The following CD55 variants were observed in gnomAD, a reference collection of about 807,000 sequenced individuals.
CD55 encodes the protein complement decay-accelerating factor.
In CD55, 41 loss-of-function variants were observed where a neutral mutation model predicts 45.8. That is an observed-to-expected ratio of 0.90 (90% CI 0.70 to 1.16). The LOEUF is 1.16. CD55 is among the 50% of genes most tolerant of loss of function. The probability of loss-of-function intolerance (pLI) is 0.00; values close to 1 mark genes in which losing one functional copy is unlikely to be tolerated. For missense variants in CD55, 416 were observed against 469.8 expected (o/e 0.89, Z 1.06); for synonymous variants, 181 against 181.1 (o/e 1.00, Z 0.01).
intron 5 of CD55, among the ~76,000 whole-genome samples, chr1:207,330,050 T>G (rs1315002921): frequency 6.6e-6 from 1 of 152,082 alleles, no homozygotes; most frequent in Non-Finnish European, 1.5e-5. Flanking sequence ...TCCCACTAGC[T>G]TTTAAGACAT....
chr1:207,335,392 A>G lies in CD55; in HGVS notation c.854-1301A>G, dbSNP rs28371620. On this transcript the variant is annotated intron_variant, in intron 6 of 9. Transcript: ENST00000367064. Reference sequence around the variant, plus strand: ...GGCTCTAAGCTACAATACATTGCAAAAGATTGAAGTTATTCAGAGCATACC... The same window carrying G: ...GGCTCTAAGCTACAATACATTGCAAGAGATTGAAGTTATTCAGAGCATACC... Among the ~76,000 whole-genome samples, 197 of 152,282 alleles carry G rather than the reference A, an allele frequency of 1.3e-3. 1 individual carries two copies. Among genetic ancestry groups the G allele is most frequent in the African/African-American group, 4.3e-3 (179 of 41,554 alleles).
chr1:207,357,365 G>T (rs943891585), intron 9 of CD55, among the ~76,000 whole-genome samples: 2 of 151,860 alleles, frequency 1.3e-5, no homozygotes, highest in Non-Finnish European at 2.9e-5. Context: ...AAAGTGAGTT[G>T]GTATGGAAGC....
In CD55 at chr1:207,324,595, C is replaced by T. The variant is rs753121722; in HGVS notation, c.323C>T (p.Ser108Phe). Residue 108 changes from serine (S) to phenylalanine (F), a missense_variant, in exon 3 of 10, where the codon TCC (serine) becomes TTC (phenylalanine). Ser to Phe is a radical substitution (Grantham distance 155). Coordinates refer to ENST00000367064, the MANE Select transcript of CD55 (RefSeq NM_000574.5). ...GTGCCAACAAGGCTAAATTCTGCAT[C>T]CCTCAAACAGCCTTATATCACTCAG... ...CEVPTRLNSA[S>F]LKQPYITQNY... 1.3e-6 allele frequency: 2 copies of T among 1,592,818 alleles called. No homozygotes were observed. The highest frequency in any genetic ancestry group is 1.8e-5 in the Admixed American group (1 of 56,928).
intron 9 of CD55, chr1:207,347,404 C>T (rs1172867920): frequency 8.6e-6 from 3 of 350,198 alleles, no homozygotes; most frequent in East Asian, 7.6e-5. Flanking sequence ...GGACTATAGG[C>T]GCCTGCCACC....
intron 9 of CD55, chr1:207,350,012 ATTAT>A (rs1258223342): frequency 2.4e-6 from 1 of 412,342 alleles, no homozygotes; most frequent in Non-Finnish European, 4.8e-6. Context: ...GGCGGCTCTT[ATTAT>A]TTTGTGGTAT....
chr1:207,341,067 A>G (rs1006927772), intron 9 of CD55, among the ~76,000 whole-genome samples: 3 of 151,944 alleles, frequency 2.0e-5, no homozygotes, highest in Non-Finnish European at 4.4e-5. Context: ...TTTTTCATAT[A>G]CCTGCTGAGA....
chr1:207,330,948 C>T (rs1654915631), intron 5 of CD55, among the ~76,000 whole-genome samples, 160 bp from the exon 6 acceptor site: 1 of 152,258 alleles, frequency 6.6e-6, no homozygotes, highest in South Asian at 2.1e-4. Context: ...CTACCAATTA[C>T]TTAATAGGCA....
At chr1:207,357,491 A>G (rs1656121165) in intron 9 of CD55, among the ~76,000 whole-genome samples, 1 of 141,904 alleles carries the variant, frequency 7.0e-6, no homozygotes, top group African/African-American at 2.6e-5. Flanking sequence ...TAAAGTATCA[A>G]TGTATAGAGT....
chr1:207,337,255 G>A lies in CD55; in HGVS notation c.980-74G>A, dbSNP rs1655220461. 8 of 961,898 alleles carry A rather than the reference G, an allele frequency of 8.3e-6. No individual in the cohort carries two copies. In the Admixed American group the frequency reaches 1.1e-4, roughly 13 times the overall value. 59.6% of individuals were successfully genotyped at this position (961,898 alleles called of 1,614,324 possible). A position where few individuals can be genotyped will look rare whatever the true frequency, so the allele number is the denominator to read the frequency against. On this transcript the variant is annotated intron_variant, in intron 7 of 9. Coordinates refer to ENST00000367064, the MANE Select transcript of CD55 (RefSeq NM_000574.5). ...CGCAGAGTCCTTCAGCAGCACGTAA[G>A]TCCACTAATGTACATTCCCCAGTGA...
chr1:207,344,739 G>T (rs1397254218), intron 9 of CD55, among the ~76,000 whole-genome samples: 5 of 150,990 alleles, frequency 3.3e-5, no homozygotes, highest in African/African-American at 1.2e-4. Flanking sequence ...TTGAGACAGA[G>T]TCTCATTCTG....
At chr1:207,359,456 A>T in intron 9 of CD55, 90 bp from the exon 10 acceptor site, 1 of 1,289,958 alleles carries the variant, frequency 7.8e-7, no homozygotes, top group Non-Finnish European at 1.0e-6. Flanking sequence ...TTGGTGATTT[A>T]TCACATAGTA....
intron 4 of CD55, among the ~76,000 whole-genome samples, chr1:207,326,221 C>T (rs1654674678): frequency 6.6e-6 from 1 of 152,176 alleles, no homozygotes; most frequent in Non-Finnish European, 1.5e-5. Flanking sequence ...GTCTCAGACA[C>T]TGTTGAAAAC....
chr1:207,322,570 A>T lies in CD55; in HGVS notation c.286+3A>T, dbSNP rs757916547. The stretch of plus-strand genomic sequence containing the variant: ...AGATATTGAAGAGTTCTGCAATCGT[A>T]AGTTCTTCATCTTTTTAGAAAAGTT... On this transcript the variant is annotated splice_donor_region_variant and intron_variant, in intron 2 of 9. Transcript: ENST00000367064. 6.3e-7 allele frequency: 1 copy of T among 1,594,186 alleles called. No homozygotes were observed.
Position 207,322,401 on chromosome 1 carries a change from A to C in CD55, c.120A>C (p.Pro40=). 1 of 1,614,080 alleles carries C rather than the reference A, an allele frequency of 6.2e-7. No homozygotes were observed. Among genetic ancestry groups the C allele is most frequent in the Non-Finnish European group, 8.5e-7 (1 of 1,179,944 alleles). The change falls in exon 2 of 10, where the codon CCA becomes CCC. Residue 40 remains proline (P), a synonymous_variant. Transcript: ENST00000367064. ...CCCTAGGTGACTGTGGCCTTCCCCCAGATGTACCTAATGCCCAGCCAGCTT... is the reference window on the plus strand; with the variant it reads ...CCCTAGGTGACTGTGGCCTTCCCCCCGATGTACCTAATGCCCAGCCAGCTT... ...PAVWGDCGLP[P]DVPNAQPALE... is the part of the protein sequence containing the mutation.
chr1:207,332,921 G>A (rs1655014271), intron 6 of CD55, among the ~76,000 whole-genome samples: 1 of 152,084 alleles, frequency 6.6e-6, no homozygotes, highest in South Asian at 2.1e-4. Flanking sequence ...TTCTGAACCT[G>A]GACTAAGGAT....
intron 9 of CD55, among the ~76,000 whole-genome samples, chr1:207,344,158 A>T (rs975327175): frequency 1.3e-5 from 2 of 152,240 alleles, no homozygotes; most frequent in East Asian, 3.8e-4. Context: ...ATCTGTTTAC[A>T]TTCAGGGTTA....
At chr1:207,338,639 A>C (rs1368370980) in intron 8 of CD55, among the ~76,000 whole-genome samples, 1 of 152,166 alleles carries the variant, frequency 6.6e-6, no homozygotes, top group African/African-American at 2.4e-5. Flanking sequence ...AATTGTAGCC[A>C]CCACTTACTG....
chr1:207,324,069 G>A (rs1293754795), intron 2 of CD55, among the ~76,000 whole-genome samples: 1 of 152,218 alleles, frequency 6.6e-6, no homozygotes, highest in Non-Finnish European at 1.5e-5. Context: ...TCTGTTTACA[G>A]GTGTAAATAC....
intron 8 of CD55, among the ~76,000 whole-genome samples, chr1:207,338,674 C>T (rs1339633835): frequency 3.9e-5 from 6 of 151,930 alleles, no homozygotes; most frequent in African/African-American, 7.3e-5. Context: ...TGATATGTTC[C>T]GTTCACCTTC....
Sources: allele counts gnomAD v4.1 joint callset (sites outside exome capture counted in the v4.1 genomes callset), GRCh38; gene constraint gnomAD v4.1.1; transcripts MANE v1.5; gene names NCBI Gene and HGNC (gene_info 2026-07-23, HGNC 2026-07-21).